STK32C: variants seen among roughly 807,000 people sequenced by gnomAD.
The protein encoded by STK32C is serine/threonine kinase 32C, also known as serine/threonine-protein kinase 32C.
A neutral mutation model predicts 56.5 loss-of-function variants in STK32C; 31 were observed. That is an observed-to-expected ratio of 0.55 (90% CI 0.41 to 0.74). STK32C has a LOEUF of 0.74. Among genes scored for constraint, STK32C ranks in the 30% least tolerant of loss-of-function variants. STK32C has a pLI of 0.00. For missense variants in STK32C, 544 were observed against 676.9 expected (o/e 0.80, Z 2.18); for synonymous variants, 309 against 289.4 (o/e 1.07, Z -0.69).
chr10:132,284,284 G>A (rs959389090), intron 1 of STK32C, among the ~76,000 whole-genome samples: 4 of 132,118 alleles, frequency 3.0e-5, no homozygotes, highest in African/African-American at 1.1e-4. Context: ...AGGGGCAGGT[G>A]AGGTTGGGGG....
rs373217521 is a variant in STK32C at position 132,282,700 on chromosome 10, C to T, written c.262+24872G>A. On this transcript the variant is annotated intron_variant, in intron 1 of 11. Transcript: ENST00000298630. ...GAAGTCAGCTTGCCATTAAGGAAGCCGACACAAAGCATCCGATCACCCAGC... is the reference window on the plus strand; with the variant it reads ...GAAGTCAGCTTGCCATTAAGGAAGCTGACACAAAGCATCCGATCACCCAGC... Among the ~76,000 whole-genome samples the T allele has an allele frequency of 2.8e-3, 421 of 152,290 alleles. 2 individuals carry two copies. The South Asian group carries it at 0.036, about 13-fold the overall frequency.
chr10:132,246,784 T>C (rs1454252206), intron 1 of STK32C, among the ~76,000 whole-genome samples: 1 of 152,094 alleles, frequency 6.6e-6, no homozygotes, highest in Non-Finnish European at 1.5e-5. Flanking sequence ...GGTCCCACAA[T>C]GTCACCCCCT....
In STK32C at chr10:132,228,008, C is replaced by T. The variant is rs761636121; in HGVS notation, c.439G>A (p.Glu147Lys). 6.2e-7 allele frequency: 1 copy of T among 1,613,766 alleles called. No homozygotes were observed. Among genetic ancestry groups the T allele is most frequent in the Non-Finnish European group, 8.5e-7 (1 of 1,180,018 alleles). Residue 147 changes from glutamate to lysine, a missense_variant, in exon 3 of 12, where the codon GAG becomes AAG. Glu to Lys is a moderately conservative substitution (Grantham distance 56). Coordinates refer to ENST00000298630, the MANE Select transcript of STK32C (RefSeq NM_173575.4). ...TTCACCAGGAAGACGTGCTCGATCT[C>T]CTGCAGGATCTCCAGCTCCCGGAAG... The part of the protein sequence containing the change: ...NVFRELEILQ[E>K]IEHVFLVNLW...
Position 132,227,960 on chromosome 10 carries a change from G to A in STK32C, c.470+17C>T, listed in dbSNP as rs1442230423. On this transcript the variant is annotated intron_variant, in intron 3 of 11. Coordinates refer to ENST00000298630, the MANE Select transcript of STK32C (RefSeq NM_173575.4). ...AGGACGGTAAGTCTTTCTGCAGCGAGGCCATGGCAGGCTCACCAGAGGTTC... is the reference window on the plus strand; with the variant it reads ...AGGACGGTAAGTCTTTCTGCAGCGAAGCCATGGCAGGCTCACCAGAGGTTC... 2.5e-6 allele frequency: 4 copies of A among 1,611,764 alleles called. No individual in the cohort carries two copies. Among genetic ancestry groups the A allele is most frequent in the African/African-American group, 1.3e-5 (1 of 74,908 alleles).
Position 132,255,870 on chromosome 10 carries a change from A to G in STK32C, c.263-9915T>C, listed in dbSNP as rs1039124573. Among the ~76,000 whole-genome samples the G allele has an allele frequency of 6.6e-6, 1 of 152,148 alleles. No homozygotes were observed. The highest frequency in any genetic ancestry group is 2.4e-5 in the African/African-American group (1 of 41,442). On this transcript the variant is annotated intron_variant, in intron 1 of 11. Coordinates refer to ENST00000298630, the MANE Select transcript of STK32C (RefSeq NM_173575.4). This position sits in a 1 kb window ranked among gnomAD's most constrained non-coding sequence, Gnocchi z 4.6. ...CGCATCTCCGAGGGCCCAGCTGGCC[A>G]CCTTCTCCTTCTCCACCGTCCCCTC...
downstream of STK32C, chr10:132,324,011 TA>T: frequency 1.9e-6 from 1 of 535,614 alleles, no homozygotes. Context: ...GCCCAGTCCC[TA>T]AAGAGCAGCA....
Position 132,307,559 on chromosome 10 carries a change from T to C in STK32C, c.262+13A>G, listed in dbSNP as rs184435342. The C allele has an allele frequency of 5.6e-6, 8 of 1,429,924 alleles. No homozygotes were observed. The highest frequency in any genetic ancestry group is 7.4e-6 in the Non-Finnish European group (8 of 1,077,170). The allele number at this position is 1,429,924 out of a possible 1,614,324, so 88.6% of individuals were successfully genotyped here. On this transcript the variant is annotated intron_variant, in intron 1 of 11. Coordinates refer to ENST00000298630, the MANE Select transcript of STK32C (RefSeq NM_173575.4). This position sits in a 1 kb window ranked among gnomAD's most constrained non-coding sequence, Gnocchi z 4.4. ...GCGCGCGGCCCCCACGTCGTCCCCGTGCCCGCACTCACCGTCCTCCTTGTC... is the reference window on the plus strand; with the variant it reads ...GCGCGCGGCCCCCACGTCGTCCCCGCGCCCGCACTCACCGTCCTCCTTGTC...
chr10:132,314,309 C>T (rs976828421), intron 1 of STK32C, among the ~76,000 whole-genome samples: 1 of 152,206 alleles, frequency 6.6e-6, no homozygotes, highest in Non-Finnish European at 1.5e-5. Context: ...CTGACATTCC[C>T]TGGAAGTGGT....
chr10:132,275,583 A>C (rs2064970219), intron 1 of STK32C, among the ~76,000 whole-genome samples: 1 of 152,140 alleles, frequency 6.6e-6, no homozygotes. Flanking sequence ...CCGACGTGTC[A>C]CTGCAATGCA....
intron 10 of STK32C, among the ~76,000 whole-genome samples, chr10:132,215,681 A>C (rs755651382): frequency 6.6e-6 from 1 of 152,182 alleles, no homozygotes; most frequent in African/African-American, 2.4e-5. Flanking sequence ...AGAACAGACT[A>C]ATACAGTAAA....
chr10:132,294,731 C>T (rs187629780), intron 1 of STK32C, among the ~76,000 whole-genome samples: 1 of 152,288 alleles, frequency 6.6e-6, no homozygotes, highest in African/African-American at 2.4e-5. Flanking sequence ...GGTCAGTGCA[C>T]CAGCCCCCGA....
intron 1 of STK32C, among the ~76,000 whole-genome samples, chr10:132,275,286 G>A (rs2064961957): frequency 6.6e-6 from 1 of 152,220 alleles, no homozygotes; most frequent in Non-Finnish European, 1.5e-5. Context: ...GCTGGTGGGG[G>A]TGGGTGCTGG....
At position 132,249,164 on chromosome 10, in the gene STK32C, G is replaced by C. The variant is rs552588636; in HGVS notation, c.263-3209C>G. 520 of 421,400 alleles carry C rather than the reference G, an allele frequency of 1.2e-3. 3 individuals are homozygous for C. Among genetic ancestry groups the C allele is most frequent in the Non-Finnish European group, 2.0e-3 (414 of 208,948 alleles). The allele number at this position is 421,400 out of a possible 1,614,324, so 26.1% of individuals were successfully genotyped here. A position where few individuals can be genotyped will look rare whatever the true frequency, so the allele number is the denominator to read the frequency against. On this transcript the variant is annotated intron_variant, in intron 1 of 11. Transcript: ENST00000298630. ...CGTGCAGGGGGCGGGGCGTGCAGGG[G>C]GCGGGGCTATGGGGGTCAGGGCGTG...
intron 8 of STK32C, among the ~76,000 whole-genome samples, chr10:132,223,696 C>T (rs1016253099): frequency 6.6e-6 from 1 of 152,210 alleles, no homozygotes; most frequent in Admixed American, 6.5e-5. Context: ...GGCTACAATT[C>T]CAGGGCAGGA....
At chr10:132,266,699 G>A (rs778438762) in intron 1 of STK32C, among the ~76,000 whole-genome samples, 10 of 151,982 alleles carry the variant, frequency 6.6e-5, no homozygotes, top group East Asian at 1.9e-4. Context: ...GAAGGAACGC[G>A]GGCGTGGGTG....
At position 132,245,761 on chromosome 10, in the gene STK32C, A is replaced by G. The variant is rs576154845; in HGVS notation, c.318+139T>C. ...GCAGGAGTGCCCACGTCCTCCCTAAAAGACCTGGAGCCTCTGCCCAGGTAA... is the reference window on the plus strand; with the variant it reads ...GCAGGAGTGCCCACGTCCTCCCTAAGAGACCTGGAGCCTCTGCCCAGGTAA... On this transcript the variant is annotated intron_variant, in intron 2 of 11. Transcript: ENST00000298630. 5 of 823,860 alleles carry G rather than the reference A, an allele frequency of 6.1e-6. No homozygotes were observed. The Admixed American group carries it at 9.3e-5, about 15-fold the overall frequency. 51.0% of individuals were successfully genotyped at this position (823,860 alleles called of 1,614,324 possible).
At chr10:132,284,403 AGGGGCAGGTGAGGTTGGG>A (rs1164737460) in intron 1 of STK32C, among the ~76,000 whole-genome samples, 3 of 4,964 alleles carry the variant, frequency 6.0e-4, no homozygotes, top group East Asian at 3.8e-3. Context: ...GTGAGGTTGC[AGGGGCAGGTGAGGTTGGG>A]GGGGCAGGTG....
intron 1 of STK32C, among the ~76,000 whole-genome samples, chr10:132,266,445 C>T (rs2064531653): frequency 6.6e-6 from 1 of 152,200 alleles, no homozygotes; most frequent in Non-Finnish European, 1.5e-5. Context: ...TGCATACTCA[C>T]ATCTGTGCCC....
intron 2 of STK32C, among the ~76,000 whole-genome samples, chr10:132,233,521 G>A (rs969472669): frequency 2.0e-5 from 3 of 152,208 alleles, no homozygotes; most frequent in Non-Finnish European, 4.4e-5. Flanking sequence ...AAGTTAAGAC[G>A]CCTCACGAGG....
Sources: gnomAD v4.1 joint callset for allele counts (sites outside exome capture counted in the v4.1 genomes callset) on GRCh38, gnomAD v4.1.1 for gene constraint, Gnocchi (gnomAD v3.1) non-coding constraint, MANE v1.5 for transcripts, NCBI Gene and HGNC (gene_info 2026-07-23, HGNC 2026-07-21) for gene names.